The following RB1 variants were observed in gnomAD, a reference collection of about 807,000 sequenced individuals.
RB1 encodes the protein RB transcriptional corepressor 1.
RB1 carries 18 observed loss-of-function variants against 135.4 expected under a neutral mutation model. The ratio of observed to expected loss-of-function variants is 0.13; its 90% CI spans 0.09 to 0.20. The LOEUF is 0.20. RB1 is among the 10% of genes least tolerant of loss of function. The pLI, the probability that RB1 is intolerant of heterozygous loss-of-function variation, is 1.00. For synonymous variants in RB1, 365 were observed against 373.2 expected, an observed-to-expected ratio of 0.98 and a Z score of 0.25; for missense variants, 868 against 1,110.0, an observed-to-expected ratio of 0.78 and a Z score of 3.10.
At chr13:48,474,839 A>G (rs1172704663) in intron 24 of RB1, among the ~76,000 whole-genome samples, 1 of 152,060 alleles carries the variant, frequency 6.6e-6, no homozygotes, top group Non-Finnish European at 1.5e-5. Flanking sequence ...CCCATATTCA[A>G]TATGCATTAC....
chr13:48,474,673 C>T (rs191956756), intron 24 of RB1, among the ~76,000 whole-genome samples: 1 of 152,142 alleles, frequency 6.6e-6, no homozygotes, highest in Non-Finnish European at 1.5e-5. Context: ...TTCTGGTACA[C>T]TGATTAGGAA....
chr13:48,346,229 A>G (rs987285956), intron 4 of RB1, among the ~76,000 whole-genome samples: 5 of 151,526 alleles, frequency 3.3e-5, no homozygotes, highest in Non-Finnish European at 2.9e-5. Flanking sequence ...TGAACTAATT[A>G]TAGAATACTT....
At chr13:48,415,845 A>G (rs1019457767) in intron 17 of RB1, 2 of 152,166 alleles carry the variant, frequency 1.3e-5, no homozygotes, top group Non-Finnish European at 1.5e-5. Flanking sequence ...TGAATACTGC[A>G]TTTTTTCCAG....
intron 17 of RB1, among the ~76,000 whole-genome samples, chr13:48,451,491 G>A (rs1319919482): frequency 6.6e-6 from 1 of 152,122 alleles, no homozygotes; most frequent in East Asian, 1.9e-4. Context: ...TGGTAGATAA[G>A]CTTTTTGGTG....
intron 2 of RB1, chr13:48,316,901 A>G: frequency 2.9e-6 from 1 of 348,132 alleles, no homozygotes; most frequent in Non-Finnish European, 5.7e-6. Flanking sequence ...CCGTGCGCGG[A>G]GTGTCGCTGA....
chr13:48,425,838 C>T (rs925671008), intron 17 of RB1, among the ~76,000 whole-genome samples: 4 of 152,112 alleles, frequency 2.6e-5, no homozygotes, highest in Non-Finnish European at 5.9e-5. Context: ...TTTTCAATGA[C>T]AAGAAAGAAC....
In RB1 at chr13:48,441,356, G is replaced by C. The variant is rs116656774; in HGVS notation, c.1696-11637G>C. ...TACCTTTACATATCAAATTTCTATT[G>C]TATCTGGCCAACCTTTGATTTTAAG... On this transcript the variant is annotated intron_variant, in intron 17 of 26. Transcript: ENST00000267163. 4.7e-3 allele frequency among the ~76,000 whole-genome samples: 718 copies of C among 152,226 alleles called. 3 individuals carry two copies. Among genetic ancestry groups the C allele is most frequent in the African/African-American group, 0.016 (678 of 41,516 alleles).
chr13:48,374,751 TA>T (rs1952801325), intron 12 of RB1, among the ~76,000 whole-genome samples: 1 of 152,200 alleles, frequency 6.6e-6, no homozygotes, highest in Admixed American at 6.5e-5. Flanking sequence ...TTGGAGTATG[TA>T]GGAGTTCTTT....
rs546639417 is a variant in RB1 at position 48,463,695 on chromosome 13, A to C, written c.2107-36A>C. On this transcript the variant is annotated intron_variant, in intron 20 of 26. Coordinates refer to ENST00000267163, the MANE Select transcript of RB1 (RefSeq NM_000321.3). ...TTTTTAAGAACAAAACCATGTAATA[A>C]AATTCTGACTACTTTTACATCAATT... The C allele has an allele frequency of 4.0e-6, 5 of 1,237,980 alleles. No individual in the cohort carries two copies. The South Asian group carries it at 4.8e-5, about 12-fold the overall frequency. The allele number at this position is 1,237,980 out of a possible 1,614,324, so 76.7% of individuals were successfully genotyped here.
chr13:48,313,185 C>T (rs1164615972), intron 2 of RB1, among the ~76,000 whole-genome samples: 1 of 151,846 alleles, frequency 6.6e-6, no homozygotes, highest in African/African-American at 2.4e-5. Flanking sequence ...TTTTGGAATA[C>T]CCTTCTTTTT....
intron 2 of RB1, chr13:48,328,324 T>C: frequency 1.9e-6 from 3 of 1,588,174 alleles, no homozygotes; most frequent in East Asian, 2.2e-5. Flanking sequence ...GTTGGAACAG[T>C]TTCTTTAGGC....
In RB1 at chr13:48,445,813, C is replaced by T. The variant is rs1017378008; in HGVS notation, c.1696-7180C>T. Among the ~76,000 whole-genome samples the T allele has an allele frequency of 6.6e-5, 10 of 152,138 alleles. 1 individual carries two copies. Among genetic ancestry groups the T allele is most frequent in the South Asian group, 4.1e-4 (2 of 4,826 alleles). On this transcript the variant is annotated intron_variant, in intron 17 of 26. Transcript: ENST00000267163. ...TTATTTCAAAGACCCAAGTCTGAAA[C>T]GGTTTATCTGTTTATACTTAATGGC... is the stretch of plus-strand genomic sequence containing the variant.
At chr13:48,456,158 T>A (rs1285844653) in intron 18 of RB1, 46 bp from the exon 19 acceptor site, 1 of 1,610,842 alleles carries the variant, frequency 6.2e-7, no homozygotes, top group Non-Finnish European at 8.5e-7. Context: ...TAATCTGTGA[T>A]TCTTAGCCAA....
intron 2 of RB1, among the ~76,000 whole-genome samples, chr13:48,309,139 A>C (rs1952111012): frequency 6.6e-6 from 1 of 152,216 alleles, no homozygotes; most frequent in Non-Finnish European, 1.5e-5. Context: ...AAATTAATGA[A>C]TGAATCTCTG....
chr13:48,404,309 T>C (rs985353229), intron 17 of RB1: 3 of 152,058 alleles, frequency 2.0e-5, no homozygotes, highest in African/African-American at 7.2e-5. Flanking sequence ...AGGAGGAAAA[T>C]ACAACAAAGT....
chr13:48,445,924 G>A (rs553271389), intron 17 of RB1, among the ~76,000 whole-genome samples: 1 of 152,214 alleles, frequency 6.6e-6, no homozygotes, highest in Non-Finnish European at 1.5e-5. Flanking sequence ...CATATTTTTA[G>A]AGGATTTAGA....
At chr13:48,429,436 C>G (rs61948665) in intron 17 of RB1, 1 of 152,156 alleles carries the variant, frequency 6.6e-6, no homozygotes, top group Non-Finnish European at 1.5e-5. Flanking sequence ...CCAGGTTGCC[C>G]AAGGAGGGGC....
At chr13:48,306,953 A>C (rs1952085643) in intron 1 of RB1, among the ~76,000 whole-genome samples, 1 of 152,160 alleles carries the variant, frequency 6.6e-6, no homozygotes, top group Admixed American at 6.5e-5. Flanking sequence ...TTTTGTTGTT[A>C]TCTTTATCCT....
At chr13:48,393,116 C>G (rs1337534140) in intron 17 of RB1, among the ~76,000 whole-genome samples, 1 of 152,100 alleles carries the variant, frequency 6.6e-6, no homozygotes, top group Non-Finnish European at 1.5e-5. Flanking sequence ...TCTTCCTGAC[C>G]CTGTGTCAGC....
Sources: allele counts gnomAD v4.1 joint callset (sites outside exome capture counted in the v4.1 genomes callset), GRCh38; gene constraint gnomAD v4.1.1; transcripts MANE v1.5; gene names NCBI Gene and HGNC (gene_info 2026-07-23, HGNC 2026-07-21).